Variants in GRM7 observed in about 807,000 individuals in gnomAD.
GRM7 encodes metabotropic glutamate receptor 7.
A neutral mutation model predicts 84.5 loss-of-function variants in GRM7; 35 were observed. That is an observed-to-expected ratio of 0.41 (90% confidence interval 0.32 to 0.55). The LOEUF (loss-of-function observed/expected upper bound fraction) is 0.55, where lower values mean the gene tolerates loss of function less well. Among genes scored for constraint, GRM7 ranks in the 20% least tolerant of loss-of-function variants. GRM7 has a pLI of 0.19. For synonymous variants in GRM7, 487 were observed against 455.1 expected (o/e 1.07, Z -0.89); for missense variants, 1,003 against 1,194.6 (o/e 0.84, Z 2.36).
At position 7,458,977 on chromosome 3, in the gene GRM7, A is replaced by G. The variant is rs80162058; in HGVS notation, c.1376-2606A>G. 4.9e-3 allele frequency among the ~76,000 whole-genome samples: 745 copies of G among 152,316 alleles called. 6 individuals carry two copies. The highest frequency in any genetic ancestry group is 0.033 in the East Asian group (170 of 5,186). On this transcript the variant is annotated intron_variant, in intron 6 of 9. Transcript: ENST00000357716. Reference sequence around the variant, plus strand: ...AAGACTTGTTGAAATCAGAAAGCCAATATTAAAAATCTTTTGTTGTTATTG... The same window carrying G: ...AAGACTTGTTGAAATCAGAAAGCCAGTATTAAAAATCTTTTGTTGTTATTG...
intron 1 of GRM7, among the ~76,000 whole-genome samples, chr3:7,009,893 C>T (rs1041286847): frequency 4.6e-5 from 7 of 152,170 alleles, no homozygotes; most frequent in South Asian, 4.2e-4. Context: ...CACAGATTCT[C>T]GAATCAGACT....
chr3:6,996,774 G>C (rs1354498545), intron 1 of GRM7, among the ~76,000 whole-genome samples: 2 of 151,950 alleles, frequency 1.3e-5, no homozygotes, highest in African/African-American at 4.8e-5. Context: ...CTTTCTTCCT[G>C]TAAACAGAAA....
chr3:7,285,246 G>C (rs1298000369), intron 2 of GRM7, among the ~76,000 whole-genome samples: 2 of 152,036 alleles, frequency 1.3e-5, no homozygotes, highest in Non-Finnish European at 2.9e-5. Context: ...TAGAAGAATA[G>C]TATTTTTTCC....
intron 1 of GRM7, among the ~76,000 whole-genome samples, chr3:6,924,232 T>A (rs1697223650): frequency 6.6e-6 from 1 of 152,202 alleles, no homozygotes; most frequent in Admixed American, 6.5e-5. Flanking sequence ...AATGGTCCGT[T>A]TGAAAATATT....
At chr3:6,907,376 G>A (rs1696619967) in intron 1 of GRM7, among the ~76,000 whole-genome samples, 1 of 152,184 alleles carries the variant, frequency 6.6e-6, no homozygotes, top group Admixed American at 6.6e-5. Flanking sequence ...GTACCGTGGA[G>A]ACGTGATCAT....
intron 1 of GRM7, among the ~76,000 whole-genome samples, chr3:7,030,262 G>A (rs180731085): frequency 1.3e-3 from 200 of 152,322 alleles, no homozygotes; most frequent in African/African-American, 4.7e-3. Flanking sequence ...GTGACAGAAA[G>A]CAGTTCGATG....
At chr3:7,328,046 G>C (rs1224030869) in intron 4 of GRM7, among the ~76,000 whole-genome samples, 2 of 152,152 alleles carry the variant, frequency 1.3e-5, no homozygotes, top group African/African-American at 4.8e-5. Flanking sequence ...ATTGAACACA[G>C]GGCCCTCTAA....
At chr3:7,633,295 G>C (rs1322919688) in intron 8 of GRM7, among the ~76,000 whole-genome samples, 2 of 152,190 alleles carry the variant, frequency 1.3e-5, no homozygotes, top group Non-Finnish European at 2.9e-5. Context: ...TGCTCATAAT[G>C]AGGTAGGTAT....
intron 4 of GRM7, among the ~76,000 whole-genome samples, chr3:7,342,557 T>TA (rs1169381660): frequency 6.6e-6 from 1 of 152,162 alleles, no homozygotes; most frequent in African/African-American, 2.4e-5. Context: ...ACCTATCCTG[T>TA]TCAAGTCTGT....
chr3:7,322,977 T>G (rs1400077629), intron 4 of GRM7, among the ~76,000 whole-genome samples: 1 of 152,108 alleles, frequency 6.6e-6, no homozygotes, highest in African/African-American at 2.4e-5. Context: ...TTCTGGGGCA[T>G]ACATTATTGA....
At chr3:7,119,360 T>C (rs1693144416) in intron 1 of GRM7, among the ~76,000 whole-genome samples, 1 of 152,088 alleles carries the variant, frequency 6.6e-6, no homozygotes, top group Non-Finnish European at 1.5e-5. Context: ...TACTGGAAAT[T>C]GTATACGTGC....
intron 4 of GRM7, among the ~76,000 whole-genome samples, chr3:7,360,626 G>A (rs539530470): frequency 7.8e-4 from 118 of 152,198 alleles, no homozygotes; most frequent in African/African-American, 2.7e-3. Context: ...AGCCAAATAA[G>A]TGAAGTTTGT....
chr3:6,866,655 G>C (rs1694947289), intron 1 of GRM7, among the ~76,000 whole-genome samples: 1 of 152,146 alleles, frequency 6.6e-6, no homozygotes, highest in African/African-American at 2.4e-5. Flanking sequence ...CAGGGAGTGA[G>C]AACTGTGGAA....
chr3:7,456,872 A>G (rs1008438620), intron 6 of GRM7, among the ~76,000 whole-genome samples: 9 of 152,118 alleles, frequency 5.9e-5, no homozygotes, highest in African/African-American at 2.2e-4. Flanking sequence ...GCTAAATTTA[A>G]TCAGTGGGTC....
chr3:7,345,486 G>C (rs9872743), intron 4 of GRM7, among the ~76,000 whole-genome samples: 1 of 151,800 alleles, frequency 6.6e-6, no homozygotes, highest in African/African-American at 2.4e-5. Flanking sequence ...GTTTCATCAC[G>C]TTGGCCAGGC....
At chr3:7,139,035 A>G (rs1463235278) in intron 1 of GRM7, among the ~76,000 whole-genome samples, 2 of 147,862 alleles carry the variant, frequency 1.4e-5, no homozygotes, top group Non-Finnish European at 1.5e-5. Context: ...TATATATAGT[A>G]TATATCCTAC....
chr3:6,970,746 G>A (rs1454507341), intron 1 of GRM7, among the ~76,000 whole-genome samples: 2 of 152,178 alleles, frequency 1.3e-5, no homozygotes, highest in Admixed American at 6.5e-5. Context: ...TTGGGAGGCC[G>A]AGGCGGGCGG....
chr3:7,538,177 T>G (rs1692658851), intron 7 of GRM7, among the ~76,000 whole-genome samples: 1 of 152,192 alleles, frequency 6.6e-6, no homozygotes, highest in Admixed American at 6.5e-5. Flanking sequence ...TGACACAATT[T>G]CAGCTCACTG....
intron 1 of GRM7, among the ~76,000 whole-genome samples, chr3:6,976,755 T>C (rs1285311471): frequency 6.6e-6 from 1 of 152,160 alleles, no homozygotes; most frequent in African/African-American, 2.4e-5. Flanking sequence ...TCACTTTTTC[T>C]TTCAAGTGTG....
Sources: allele counts gnomAD v4.1 joint callset (sites outside exome capture counted in the v4.1 genomes callset), GRCh38; gene constraint gnomAD v4.1.1; transcripts MANE v1.5; gene names NCBI Gene and HGNC (gene_info 2026-07-23, HGNC 2026-07-21).